The following NAALADL2 variants were observed in gnomAD, a reference collection of about 807,000 sequenced individuals.
The protein encoded by NAALADL2 is N-acetylated alpha-linked acidic dipeptidase like 2.
A neutral mutation model predicts 87.2 loss-of-function variants in NAALADL2; 76 were observed. That is an observed-to-expected ratio of 0.87 (90% CI 0.72 to 1.05). The LOEUF is 1.05. Ranked by LOEUF, NAALADL2 falls within the 50% of genes least tolerant of loss-of-function variation. NAALADL2 has a pLI of 0.00. For synonymous variants in NAALADL2, 354 were observed against 331.0 expected (o/e 1.07, Z -0.75); for missense variants, 1,089 against 945.8 (o/e 1.15, Z -1.99).
intron 9 of NAALADL2, among the ~76,000 whole-genome samples, chr3:175,541,938 C>T (rs376261040): frequency 2.0e-5 from 3 of 152,116 alleles, no homozygotes; most frequent in Non-Finnish European, 4.4e-5. Context: ...CCAGGCTGTT[C>T]TCAAACTTAG....
At chr3:175,368,562 GGTGTGTGTGAGTGT>G (rs1181934098) in intron 5 of NAALADL2, among the ~76,000 whole-genome samples, 1 of 147,046 alleles carries the variant, frequency 6.8e-6, no homozygotes, top group Non-Finnish European at 1.5e-5. Context: ...GACTGTAGCA[GGTGTGTGTGAGTGT>G]GTGTGTGTGT....
At chr3:174,814,143 CTG>C (rs1285694902) in intron 3 of NAALADL2, among the ~76,000 whole-genome samples, 1 of 151,740 alleles carries the variant, frequency 6.6e-6, no homozygotes, top group East Asian at 1.9e-4. Context: ...GAGTCTTGCT[CTG>C]TTTCCCAGGC....
upstream of NAALADL2, chr3:174,859,218 G>A: frequency 1.7e-6 from 1 of 576,648 alleles, no homozygotes; most frequent in South Asian, 2.3e-5. Flanking sequence ...CAAAAGATAT[G>A]ATCTCACTTC....
rs112255682 is a variant in NAALADL2, at chr3:175,009,414, G to A, written c.44-87376G>A. 3.6e-3 allele frequency among the ~76,000 whole-genome samples: 551 copies of A among 152,180 alleles called. 2 individuals carry two copies. The highest frequency in any genetic ancestry group is 0.013 in the African/African-American group (533 of 41,520). On this transcript the variant is annotated intron_variant, in intron 1 of 13. Coordinates refer to ENST00000454872, the MANE Select transcript of NAALADL2 (RefSeq NM_207015.3). ...ACATGGTTAACACGCCACCATAAAC[G>A]AAAGCCATGTTTTCTAATCCAAAGA...
chr3:174,905,545 A>G (rs915797207), intron 1 of NAALADL2, among the ~76,000 whole-genome samples: 24 of 152,074 alleles, frequency 1.6e-4, no homozygotes, highest in Admixed American at 3.9e-4. Context: ...TATAAGCATT[A>G]GGGCAAGTAA....
intron 5 of NAALADL2, among the ~76,000 whole-genome samples, chr3:175,415,360 T>C (rs573651662): frequency 6.6e-6 from 1 of 152,296 alleles, no homozygotes; most frequent in South Asian, 2.1e-4. Context: ...AAATACTATT[T>C]GGATAGCTAT....
At chr3:175,055,641 G>C (rs1056039341) in intron 1 of NAALADL2, among the ~76,000 whole-genome samples, 5 of 152,216 alleles carry the variant, frequency 3.3e-5, no homozygotes, top group African/African-American at 1.2e-4. Flanking sequence ...ATCAAACTTA[G>C]AGTGACACTG....
intron 13 of NAALADL2, among the ~76,000 whole-genome samples, chr3:175,782,016 C>T (rs1378135937): frequency 6.6e-6 from 1 of 151,296 alleles, no homozygotes; most frequent in Non-Finnish European, 1.5e-5. Flanking sequence ...TCATCCATGT[C>T]CCTACAAAGG....
chr3:175,151,890 T>C (rs1731599649), intron 2 of NAALADL2, among the ~76,000 whole-genome samples: 1 of 152,220 alleles, frequency 6.6e-6, no homozygotes, highest in African/African-American at 2.4e-5. Flanking sequence ...AGATACATCA[T>C]CAGTGAAGGG....
intron 11 of NAALADL2, among the ~76,000 whole-genome samples, chr3:175,678,056 A>G (rs1239045429): frequency 6.6e-6 from 1 of 152,202 alleles, no homozygotes; most frequent in African/African-American, 2.4e-5. Flanking sequence ...CTGGGCCACT[A>G]AAGAACAAAG....
intron 4 of NAALADL2, among the ~76,000 whole-genome samples, chr3:175,318,276 T>C (rs1463196689): frequency 6.6e-6 from 1 of 152,112 alleles, no homozygotes; most frequent in Non-Finnish European, 1.5e-5. Context: ...TACTTTGTTT[T>C]AGTGTACGTA....
intron 9 of NAALADL2, among the ~76,000 whole-genome samples, chr3:175,562,410 T>C (rs1433418050): frequency 2.0e-5 from 3 of 152,064 alleles, no homozygotes; most frequent in Non-Finnish European, 4.4e-5. Flanking sequence ...TATTATTATG[T>C]ATATATTATA....
intron 2 of NAALADL2, among the ~76,000 whole-genome samples, chr3:174,647,115 A>C (rs890206469): frequency 1.3e-5 from 2 of 152,148 alleles, no homozygotes; most frequent in Non-Finnish European, 2.9e-5. Context: ...ATATATATGG[A>C]TTTTAGAGTT....
intron 1 of NAALADL2, among the ~76,000 whole-genome samples, chr3:174,982,090 A>T (rs1354986870): frequency 6.6e-6 from 1 of 152,214 alleles, no homozygotes; most frequent in Non-Finnish European, 1.5e-5. Context: ...ATGTGCTCCG[A>T]TAGTGACTGG....
At chr3:174,964,651 C>T (rs1351905413) in intron 1 of NAALADL2, among the ~76,000 whole-genome samples, 2 of 151,850 alleles carry the variant, frequency 1.3e-5, no homozygotes, top group African/African-American at 4.8e-5. Context: ...ATATCTGGTA[C>T]TGTGAGAGGT....
chr3:175,366,766 G>T (rs1182304321), intron 5 of NAALADL2, among the ~76,000 whole-genome samples: 2 of 150,682 alleles, frequency 1.3e-5, no homozygotes, highest in Non-Finnish European at 3.0e-5. Context: ...TTAGCCCTTT[G>T]TCAGATGAGT....
At chr3:174,761,175 A>T (rs1219923467) in intron 3 of NAALADL2, among the ~76,000 whole-genome samples, 1 of 152,198 alleles carries the variant, frequency 6.6e-6, no homozygotes, top group East Asian at 1.9e-4. Context: ...TCTATATGAA[A>T]ATCTATTTCC....
At chr3:174,769,625 C>T (rs1275336827) in intron 3 of NAALADL2, among the ~76,000 whole-genome samples, 1 of 150,670 alleles carries the variant, frequency 6.6e-6, no homozygotes. Flanking sequence ...ATGATTTGCC[C>T]TCTATCATAA....
At position 175,576,030 on chromosome 3, in the gene NAALADL2, A is replaced by T. The variant is rs565154478; in HGVS notation, c.1654-11A>T. On this transcript the variant is annotated splice_polypyrimidine_tract_variant and intron_variant, in intron 9 of 13. Coordinates refer to ENST00000454872, the MANE Select transcript of NAALADL2 (RefSeq NM_207015.3). ...ATAGTATGTGTTAACAATTTAAATT[A>T]TGTTTTTCAGAAAAATAATTTCAAC... 2 of 1,608,218 alleles carry T rather than the reference A, an allele frequency of 1.2e-6. No homozygotes were observed. The highest frequency in any genetic ancestry group is 2.2e-5 in the South Asian group (2 of 90,402).
Sources: gnomAD v4.1 joint callset for allele counts (sites outside exome capture counted in the v4.1 genomes callset) on GRCh38, gnomAD v4.1.1 for gene constraint, MANE v1.5 for transcripts, NCBI Gene and HGNC (gene_info 2026-07-23, HGNC 2026-07-21) for gene names.